Variants in FAM178B observed in about 807,000 individuals in gnomAD.
The protein encoded by FAM178B is family with sequence similarity 178 member B, also known as protein FAM178B.
A neutral mutation model predicts 91.7 loss-of-function variants in FAM178B; 82 were observed. That is an observed-to-expected ratio of 0.89 (90% confidence interval 0.75 to 1.07). The LOEUF (loss-of-function observed/expected upper bound fraction) is 1.07, where lower values mean the gene tolerates loss of function less well. Ranked by LOEUF, FAM178B falls within the 50% of genes least tolerant of loss-of-function variation. FAM178B has a pLI of 0.00. For synonymous variants in FAM178B, 368 were observed against 359.4 expected (o/e 1.02, Z -0.27); for missense variants, 769 against 846.7 (o/e 0.91, Z 1.14).
chr2:96,902,187 G>A (rs1214172066), intron 13 of FAM178B, among the ~76,000 whole-genome samples: 6 of 150,772 alleles, frequency 4.0e-5, no homozygotes, highest in Admixed American at 2.0e-4. Flanking sequence ...CTCACTGCAA[G>A]CTCCACCTCC....
At chr2:96,911,090 C>T (rs913713823) in intron 12 of FAM178B, among the ~76,000 whole-genome samples, 10 of 151,886 alleles carry the variant, frequency 6.6e-5, no homozygotes, top group Admixed American at 5.9e-4. Flanking sequence ...TTTTTAAGTT[C>T]TACCTCTTTA....
intron 4 of FAM178B, 101 bp from the exon 5 acceptor site, chr2:96,967,728 A>AGGGCT (rs2153375464): frequency 1.3e-6 from 1 of 789,320 alleles, no homozygotes; most frequent in African/African-American, 1.7e-5. Context: ...GCAAGACCAG[A>AGGGCT]GGGCTGCGCC....
At chr2:96,895,218 C>A in intron 13 of FAM178B, 1 of 731,268 alleles carries the variant, frequency 1.4e-6, no homozygotes, top group Non-Finnish European at 2.0e-6. Context: ...ATAAGGATTT[C>A]CCCCCAATCT....
At chr2:96,969,397 C>T (rs2082187467) in intron 4 of FAM178B, among the ~76,000 whole-genome samples, 1 of 152,208 alleles carries the variant, frequency 6.6e-6, no homozygotes, top group African/African-American at 2.4e-5. Flanking sequence ...GAGGACACAG[C>T]AAGAAGCAAG....
chr2:96,944,540 G>C (rs2081789897), intron 8 of FAM178B, among the ~76,000 whole-genome samples: 1 of 152,154 alleles, frequency 6.6e-6, no homozygotes, highest in Non-Finnish European at 1.5e-5. Flanking sequence ...AGTGGTGGTG[G>C]CAGCTACGGC....
rs1315852728 is a variant in FAM178B, at chr2:96,977,731, T to C, written c.74-5125A>G. The C allele has an allele frequency of 1.4e-5, 6 of 426,666 alleles. No homozygotes were observed. The Admixed American group carries it at 1.5e-4, about 11-fold the overall frequency. 26.4% of individuals were successfully genotyped at this position (426,666 alleles called of 1,614,324 possible). A position where few individuals can be genotyped will look rare whatever the true frequency, so the allele number is the denominator to read the frequency against. On this transcript the variant is annotated intron_variant, in intron 1 of 16. Transcript: ENST00000490605. ...AAGGAGGGAAGGATATTTCCTCCTT[T>C]TTAGATCAGTTTCTTTTCTGAGCAC...
At chr2:96,925,250 G>A (rs998257016) in intron 9 of FAM178B, among the ~76,000 whole-genome samples, 11 of 152,182 alleles carry the variant, frequency 7.2e-5, no homozygotes, top group African/African-American at 2.2e-4. Flanking sequence ...AGGGGAGAAG[G>A]AACATTGAAG....
Position 96,910,430 on chromosome 2 carries a change from A to C in FAM178B, c.1563-7723T>G, listed in dbSNP as rs376805414. Among the ~76,000 whole-genome samples the C allele has an allele frequency of 9.2e-5, 14 of 152,332 alleles. No individual in the cohort carries two copies. The East Asian group carries it at 2.5e-3, about 27-fold the overall frequency. On this transcript the variant is annotated intron_variant, in intron 12 of 16. Transcript: ENST00000490605. ...GACGACCAATATTTGATTCCAAATG[A>C]AAAACTGTTCTCCTTGACAAAGACG...
intron 6 of FAM178B, chr2:96,951,810 CAGG>C: frequency 8.5e-6 from 2 of 234,536 alleles, no homozygotes; most frequent in Non-Finnish European, 1.7e-5. Context: ...ATCACGAGGT[CAGG>C]AGTTCAAGAC....
intron 1 of FAM178B, among the ~76,000 whole-genome samples, chr2:96,975,084 G>A (rs1350026834): frequency 2.0e-5 from 2 of 99,700 alleles, no homozygotes; most frequent in African/African-American, 7.8e-5. Flanking sequence ...GACAGAGTGA[G>A]ACTCTGTCTC....
chr2:96,971,293 CA>C (rs1445418536), intron 3 of FAM178B, among the ~76,000 whole-genome samples: 2 of 144,058 alleles, frequency 1.4e-5, no homozygotes, highest in Non-Finnish European at 1.5e-5. Context: ...CCCTCTCTCC[CA>C]CCTCCCTCTC....
intron 5 of FAM178B, among the ~76,000 whole-genome samples, chr2:96,964,821 C>T (rs1048718871): frequency 3.9e-5 from 6 of 152,080 alleles, no homozygotes; most frequent in Admixed American, 2.0e-4. Context: ...CTAAATCATA[C>T]GTCAATCATT....
chr2:96,912,296 G>A (rs902176036), intron 12 of FAM178B, among the ~76,000 whole-genome samples: 1 of 152,100 alleles, frequency 6.6e-6, no homozygotes, highest in Non-Finnish European at 1.5e-5. Context: ...ACCACCTTTG[G>A]CAGAGGTGAC....
At chr2:96,886,145 G>C (rs77699744) in intron 14 of FAM178B, among the ~76,000 whole-genome samples, 12 of 152,310 alleles carry the variant, frequency 7.9e-5, no homozygotes, top group Admixed American at 6.5e-4. Context: ...TGCTGCACAC[G>C]TCCAGGGATC....
At position 96,929,069 on chromosome 2, in the gene FAM178B, G is replaced by A. The variant is rs183782343; in HGVS notation, c.1193+137C>T. On this transcript the variant is annotated intron_variant, in intron 9 of 16. Transcript: ENST00000490605. ...GCTACTCAGGAGGCTGAGGTGGGAG[G>A]ATCACTTGAGCCTGGGAGGTGGAGG... is the stretch of plus-strand genomic sequence containing the variant. The A allele has an allele frequency of 1.1e-3, 706 of 651,396 alleles. 4 individuals carry two copies. The highest frequency in any genetic ancestry group is 0.011 in the African/African-American group (574 of 54,506). 40.4% of individuals were successfully genotyped at this position (651,396 alleles called of 1,614,324 possible).
intron 12 of FAM178B, among the ~76,000 whole-genome samples, chr2:96,915,202 C>T (rs1243911708): frequency 4.6e-5 from 7 of 152,078 alleles, no homozygotes; most frequent in South Asian, 2.1e-4. Context: ...CTCTGCCTCC[C>T]GGGTTCAAAT....
At chr2:96,982,921 T>A (rs1048479911) in intron 1 of FAM178B, among the ~76,000 whole-genome samples, 10 of 151,488 alleles carry the variant, frequency 6.6e-5, no homozygotes, top group African/African-American at 2.4e-4. Flanking sequence ...CTCTGTCACA[T>A]AGACTGGAGT....
At chr2:96,935,211 G>A (rs150071500) in intron 8 of FAM178B, among the ~76,000 whole-genome samples, 1,610 of 152,180 alleles carry the variant, frequency 0.011, 25 homozygotes, top group African/African-American at 0.036. Flanking sequence ...AAACCCACCC[G>A]GCCTTCAAAA....
At chr2:96,898,531 A>G (rs1364292191) in intron 13 of FAM178B, among the ~76,000 whole-genome samples, 1 of 152,144 alleles carries the variant, frequency 6.6e-6, no homozygotes, top group Non-Finnish European at 1.5e-5. Context: ...GTGCACGCCC[A>G]TAGTCCCAGC....
Sources: allele counts gnomAD v4.1 joint callset (sites outside exome capture counted in the v4.1 genomes callset), GRCh38; gene constraint gnomAD v4.1.1; transcripts MANE v1.5; gene names NCBI Gene and HGNC (gene_info 2026-07-23, HGNC 2026-07-21).